Variants in TENM4 observed in about 807,000 individuals in gnomAD.
The protein encoded by TENM4 is teneurin-4.
A neutral mutation model predicts 243.3 loss-of-function variants in TENM4; 82 were observed. The observed-to-expected ratio is 0.34, with a 90% CI of 0.28 to 0.40. The LOEUF (loss-of-function observed/expected upper bound fraction) is 0.40, where lower values mean the gene tolerates loss of function less well. Ranked by LOEUF, TENM4 falls within the 10% of genes least tolerant of loss-of-function variation. The probability of loss-of-function intolerance (pLI) is 1.00; values close to 1 mark genes in which losing one functional copy is unlikely to be tolerated. For missense variants in TENM4, 3,138 were observed against 3,673.3 expected, an observed-to-expected ratio of 0.85 and a Z score of 3.77; for synonymous variants, 1,412 against 1,456.3, an observed-to-expected ratio of 0.97 and a Z score of 0.69.
chr11:78,932,139 G>C (rs1426053886), intron 6 of TENM4, among the ~76,000 whole-genome samples: 1 of 152,230 alleles, frequency 6.6e-6, no homozygotes, highest in Admixed American at 6.5e-5. Flanking sequence ...GAAGTAACTA[G>C]ATGGCATTGC....
chr11:78,885,248 C>T (rs1017959657), intron 9 of TENM4, among the ~76,000 whole-genome samples: 12 of 152,294 alleles, frequency 7.9e-5, no homozygotes, highest in African/African-American at 2.2e-4. Context: ...AAGAAAAGAC[C>T]GGGTATTCAA....
rs146812771 is a variant in TENM4 at position 79,154,810 on chromosome 11, C to T, written c.-162-6004G>A. ...ATGATCTGATTAATGCCTATCTCCCCAGCTAGAATATAAGCCCTCTGAAGC... is the reference window on the plus strand; with the variant it reads ...ATGATCTGATTAATGCCTATCTCCCTAGCTAGAATATAAGCCCTCTGAAGC... On this transcript the variant is annotated intron_variant, in intron 3 of 33. Transcript: ENST00000278550. Among the ~76,000 whole-genome samples, 104 of 152,236 alleles carry T rather than the reference C, an allele frequency of 6.8e-4. 1 individual carries two copies. The highest frequency in any genetic ancestry group is 3.5e-4 in the Non-Finnish European group (24 of 68,006).
At chr11:79,224,324 G>A (rs977615569) in intron 2 of TENM4, among the ~76,000 whole-genome samples, 10 of 152,158 alleles carry the variant, frequency 6.6e-5, no homozygotes, top group African/African-American at 1.9e-4. Context: ...GTTAGTCATC[G>A]TTCCAGACCC....
At chr11:78,712,107 A>G (rs1201377992) in intron 26 of TENM4, among the ~76,000 whole-genome samples, 1 of 152,204 alleles carries the variant, frequency 6.6e-6, no homozygotes, top group Non-Finnish European at 1.5e-5. Flanking sequence ...CCAATAGTAG[A>G]GGACTGGGAC....
intron 25 of TENM4, among the ~76,000 whole-genome samples, chr11:78,713,117 A>T (rs1391031725): frequency 6.6e-6 from 1 of 152,202 alleles, no homozygotes; most frequent in African/African-American, 2.4e-5. Context: ...TGACTTTAAA[A>T]AAACACTTCA....
At chr11:79,239,415 A>T (rs1864546352) in intron 2 of TENM4, among the ~76,000 whole-genome samples, 1 of 152,190 alleles carries the variant, frequency 6.6e-6, no homozygotes, top group African/African-American at 2.4e-5. Context: ...CTTCCCAAGT[A>T]TCTTGTGAGG....
intron 6 of TENM4, among the ~76,000 whole-genome samples, chr11:78,991,053 T>C (rs17137547): frequency 0.039 from 6,000 of 152,208 alleles, 223 homozygotes; most frequent in African/African-American, 0.091. Flanking sequence ...CTGGCAGTGA[T>C]TTCTCAGATG....
chr11:79,208,802 G>C (rs1863899039), intron 3 of TENM4, among the ~76,000 whole-genome samples: 1 of 152,162 alleles, frequency 6.6e-6, no homozygotes, highest in South Asian at 2.1e-4. Flanking sequence ...CTGCATACTT[G>C]GCTTTTCCAC....
intron 19 of TENM4, among the ~76,000 whole-genome samples, chr11:78,746,196 G>A (rs1856047940): frequency 6.6e-6 from 1 of 152,198 alleles, no homozygotes; most frequent in Non-Finnish European, 1.5e-5. Flanking sequence ...GTACAGGTGA[G>A]GTCAGTGATA....
intron 4 of TENM4, 146 bp from the exon 5 acceptor site, chr11:79,070,155 A>C: frequency 9.5e-7 from 1 of 1,057,040 alleles, no homozygotes; most frequent in Non-Finnish European, 1.3e-6. Context: ...TACGCAGCCC[A>C]TAAGTGGCAA....
chr11:78,975,417 C>T (rs1857632453), intron 6 of TENM4, among the ~76,000 whole-genome samples: 1 of 152,102 alleles, frequency 6.6e-6, no homozygotes, highest in African/African-American at 2.4e-5. Flanking sequence ...TCAAAATCTG[C>T]TGGCCAACGT....
rs147445228 is a variant in TENM4, at chr11:78,888,094, A to G, written c.1084+1691T>C. Among the ~76,000 whole-genome samples the G allele has an allele frequency of 5.3e-3, 811 of 152,304 alleles. 8 individuals carry two copies. The highest frequency in any genetic ancestry group is 0.018 in the African/African-American group (761 of 41,574). ...CTCATTGGTAACCCACTCTATATCA[A>G]CGATGCACCTCACAGAGCCTGGGTA... is the stretch of plus-strand genomic sequence containing the variant. On this transcript the variant is annotated intron_variant, in intron 9 of 33. Transcript: ENST00000278550.
At chr11:78,702,886 GA>G (rs1590951437) in intron 27 of TENM4, among the ~76,000 whole-genome samples, 2 of 152,170 alleles carry the variant, frequency 1.3e-5, no homozygotes, top group Non-Finnish European at 1.5e-5. Context: ...GCTGAAGTAG[GA>G]GTTGTTCAGA....
rs557591861 is a variant in TENM4 at position 78,921,730 on chromosome 11, G to C, written c.494-18207C>G. Among the ~76,000 whole-genome samples, 11 of 152,274 alleles carry C rather than the reference G, an allele frequency of 7.2e-5. No homozygotes were observed. In the East Asian group the frequency reaches 1.9e-3, roughly 27 times the overall value. ...TTGACAGCTCAAGGCAATGTTTTGG[G>C]CTCATCACTAGACTGAAATCACACA... On this transcript the variant is annotated intron_variant, in intron 6 of 33. Coordinates refer to ENST00000278550, the MANE Select transcript of TENM4 (RefSeq NM_001098816.3).
intron 3 of TENM4, among the ~76,000 whole-genome samples, chr11:79,169,702 G>C (rs951125519): frequency 3.3e-5 from 5 of 152,164 alleles, no homozygotes; most frequent in African/African-American, 1.2e-4. Context: ...TGTGGCCAGA[G>C]ACTAGGGCAA....
intron 19 of TENM4, among the ~76,000 whole-genome samples, chr11:78,743,115 G>A (rs542585041): frequency 2.0e-5 from 3 of 152,290 alleles, no homozygotes; most frequent in Admixed American, 2.0e-4. Flanking sequence ...CGTGGCTTCA[G>A]AATCTTAATG....
chr11:79,064,997 G>T lies in TENM4; in HGVS notation c.234C>A (p.Phe78Leu). Residue 78 changes from phenylalanine to leucine, a missense_variant, in exon 6 of 34, where the codon TTC becomes TTA. This residue lies in a region of TENM4 where 671 missense variants were observed against 614.1 expected (regional missense o/e 1.09). Transcript: ENST00000278550. ...AEEFCRTGAN[F>L]TLRELGLEEV... ...CTTCCAGCCCCAGCTCCCGCAGGGT[G>T]AAGTTGGCACCTGGGAGGAAACACA... 6.8e-7 allele frequency: 1 copy of T among 1,460,330 alleles called. No individual in the cohort carries two copies. Among genetic ancestry groups the T allele is most frequent in the Non-Finnish European group, 9.1e-7 (1 of 1,101,704 alleles). 90.5% of individuals were successfully genotyped at this position (1,460,330 alleles called of 1,614,324 possible).
intron 6 of TENM4, among the ~76,000 whole-genome samples, chr11:79,016,854 A>G (rs1243603435): frequency 1.3e-5 from 2 of 152,222 alleles, no homozygotes; most frequent in East Asian, 1.9e-4. Context: ...TGTTAAGAGC[A>G]TGGTTTGGAG....
At chr11:79,341,078 C>G (rs1432245675) in intron 1 of TENM4, among the ~76,000 whole-genome samples, 2 of 152,164 alleles carry the variant, frequency 1.3e-5, no homozygotes, top group African/African-American at 4.8e-5. Flanking sequence ...CCACAGAACG[C>G]AGGCACCTCT....
Sources: gnomAD v4.1 joint callset for allele counts (sites outside exome capture counted in the v4.1 genomes callset) on GRCh38, gnomAD v4.1.1 for gene constraint, gnomAD v4.1.1 regional missense constraint, MANE v1.5 for transcripts, NCBI Gene and HGNC (gene_info 2026-07-23, HGNC 2026-07-21) for gene names.